Variants in MGST1 observed in about 807,000 individuals in gnomAD.
The protein encoded by MGST1 is microsomal glutathione S-transferase 1.
In MGST1, 5 loss-of-function variants were observed where a neutral mutation model predicts 8.9. The observed-to-expected ratio is 0.56, with a 90% CI of 0.29 to 1.19. The LOEUF (loss-of-function observed/expected upper bound fraction) is 1.19. MGST1 is among the 50% of genes most tolerant of loss of function. The probability of loss-of-function intolerance (pLI) is 0.08; values close to 1 mark genes in which losing one functional copy is unlikely to be tolerated. For synonymous variants in MGST1, 54 were observed against 67.8 expected (o/e 0.80, Z 1.00); for missense variants, 182 against 187.4 (o/e 0.97, Z 0.17).
chr12:16,403,337 T>A (rs1940675398), intron 1 of MGST1, among the ~76,000 whole-genome samples: 1 of 152,138 alleles, frequency 6.6e-6, no homozygotes, highest in Non-Finnish European at 1.5e-5. Flanking sequence ...AGTTTCTGGC[T>A]TAAGAGCACT....
chr12:16,535,298 CGA>C (rs1476350432), intron 4 of MGST1, among the ~76,000 whole-genome samples: 2 of 152,124 alleles, frequency 1.3e-5, no homozygotes, highest in African/African-American at 4.8e-5. Flanking sequence ...GTGGCCTCCG[CGA>C]GAGTTAGCTG....
intron 4 of MGST1, among the ~76,000 whole-genome samples, chr12:16,479,027 G>A (rs972599710): frequency 6.6e-6 from 1 of 151,974 alleles, no homozygotes; most frequent in African/African-American, 2.4e-5. Context: ...TACCCGTTCT[G>A]GGTATTTCAT....
chr12:16,504,150 C>G (rs985027865), intron 4 of MGST1, among the ~76,000 whole-genome samples: 1 of 150,120 alleles, frequency 6.7e-6, no homozygotes. Flanking sequence ...ATTGCTCTGA[C>G]CTGTAACTTT....
Position 16,546,798 on chromosome 12 carries a change from C to T in MGST1, n.483-42730C>T, listed in dbSNP as rs1941828928. On this transcript the variant is annotated intron_variant and non_coding_transcript_variant, in intron 4 of 4. Coordinates refer to the MGST1 transcript ENST00000538857. The surrounding 1 kb of genome is among the most constrained non-coding windows in gnomAD (Gnocchi z 4.7). ...TCAGGTTTGGTATTTTTTTAAATCC[C>T]TTCCCCTACTGCTGTCATTATCCAC... Among the ~76,000 whole-genome samples, 1 of 151,838 alleles carries T rather than the reference C, an allele frequency of 6.6e-6. No individual in the cohort carries two copies. Among genetic ancestry groups the T allele is most frequent in the Non-Finnish European group, 1.5e-5 (1 of 67,942 alleles).
At chr12:16,591,065 A>G (rs1177029779), downstream of MGST1, among the ~76,000 whole-genome samples, 1 of 152,066 alleles carries the variant, frequency 6.6e-6, no homozygotes, top group Non-Finnish European at 1.5e-5. The surrounding 1 kb of genome is among the most constrained non-coding windows in gnomAD (Gnocchi z 4.1). Flanking sequence ...ATGGTTTTCA[A>G]ATTGAAGTAT....
downstream of MGST1, among the ~76,000 whole-genome samples, chr12:16,439,389 G>T (rs1214697654): frequency 6.6e-6 from 1 of 151,844 alleles, no homozygotes; most frequent in Non-Finnish European, 1.5e-5. Context: ...TGTCTTCTAT[G>T]TTTGGAGTAG....
intron 1 of MGST1, among the ~76,000 whole-genome samples, chr12:16,414,657 C>A (rs2137077713): frequency 6.6e-6 from 1 of 152,102 alleles, no homozygotes; most frequent in Middle Eastern, 3.4e-3. Flanking sequence ...CCTCGTGATC[C>A]ACCCACCTTG....
At chr12:16,354,534 A>G in intron 2 of MGST1, 156 bp downstream of exon 2, 1 of 600,314 alleles carries the variant, frequency 1.7e-6, no homozygotes, top group Non-Finnish European at 2.7e-6. Flanking sequence ...GATGGATCTG[A>G]TGTATTTATG....
chr12:16,477,456 A>G (rs932052943), intron 4 of MGST1, among the ~76,000 whole-genome samples: 2 of 152,212 alleles, frequency 1.3e-5, no homozygotes, highest in Non-Finnish European at 2.9e-5. Context: ...ATGTAACACA[A>G]ATAGAATCCT....
At chr12:16,399,950 C>T (rs896200822) in intron 1 of MGST1, 2 of 1,327,712 alleles carry the variant, frequency 1.5e-6, no homozygotes, top group African/African-American at 2.9e-5. Flanking sequence ...CATTCCATAG[C>T]ATTTACCAGC....
downstream of MGST1, among the ~76,000 whole-genome samples, chr12:16,378,569 G>A (rs1415068036): frequency 1.3e-5 from 2 of 151,790 alleles, no homozygotes; most frequent in African/African-American, 4.8e-5. Context: ...ATAGTTTGAA[G>A]TCAGGTAGCA....
At chr12:16,578,862 C>A (rs78330746) in intron 4 of MGST1, among the ~76,000 whole-genome samples, 2 of 149,582 alleles carry the variant, frequency 1.3e-5, no homozygotes, top group African/African-American at 4.9e-5. Flanking sequence ...AACAACAAAA[C>A]ATTAATTCAC....
At position 16,389,879 on chromosome 12, in the gene MGST1, A is replaced by G. The variant is rs773118119; in HGVS notation, n.778+6275A>G. On this transcript the variant is annotated intron_variant and non_coding_transcript_variant, in intron 1 of 1. Coordinates refer to the MGST1 transcript ENST00000359720. This position sits in a 1 kb window ranked among gnomAD's most constrained non-coding sequence, Gnocchi z 4.6. ...TCAGGTGCTCCCAAGGGGAAGTTGT[A>G]ATGAAGAGTGAGGCAGGATTGCGTA... Among the ~76,000 whole-genome samples, 5 of 152,166 alleles carry G rather than the reference A, an allele frequency of 3.3e-5. No individual in the cohort carries two copies. Among genetic ancestry groups the G allele is most frequent in the Admixed American group, 2.0e-4 (3 of 15,278 alleles).
At chr12:16,490,540 G>A (rs1483827359) in intron 4 of MGST1, among the ~76,000 whole-genome samples, 3 of 152,044 alleles carry the variant, frequency 2.0e-5, no homozygotes, top group Non-Finnish European at 4.4e-5. Flanking sequence ...AACTAACTTA[G>A]CAATCACTAT....
intron 4 of MGST1, among the ~76,000 whole-genome samples, chr12:16,465,873 T>C (rs1178144235): frequency 2.0e-5 from 3 of 152,204 alleles, no homozygotes; most frequent in Non-Finnish European, 2.9e-5. Flanking sequence ...GAGATATTAG[T>C]GCATAAAGTA....
downstream of MGST1, among the ~76,000 whole-genome samples, chr12:16,441,257 C>T (rs951251248): frequency 6.6e-6 from 1 of 151,748 alleles, no homozygotes; most frequent in African/African-American, 2.4e-5. Flanking sequence ...CTACTCCCAC[C>T]CAGGCATAAC....
At chr12:16,490,673 G>T (rs540762390) in intron 4 of MGST1, among the ~76,000 whole-genome samples, 1 of 152,154 alleles carries the variant, frequency 6.6e-6, no homozygotes, top group Admixed American at 6.5e-5. Flanking sequence ...TATGAAGCTG[G>T]TATAACTATC....
At chr12:16,424,149 A>G (rs1940865249) in intron 1 of MGST1, among the ~76,000 whole-genome samples, 3 of 152,308 alleles carry the variant, frequency 2.0e-5, no homozygotes, top group South Asian at 2.1e-4. Flanking sequence ...ACAATTGTAG[A>G]TGTTAAATAA....
intron 1 of MGST1, among the ~76,000 whole-genome samples, chr12:16,405,910 C>T (rs752499933): frequency 6.6e-6 from 1 of 152,150 alleles, no homozygotes; most frequent in Non-Finnish European, 1.5e-5. Flanking sequence ...AAACATACTT[C>T]AAAATAATAA....
Sources: allele counts gnomAD v4.1 joint callset (sites outside exome capture counted in the v4.1 genomes callset), GRCh38; gene constraint gnomAD v4.1.1; non-coding constraint Gnocchi (gnomAD v3.1); transcripts MANE v1.5; gene names NCBI Gene and HGNC (gene_info 2026-07-23, HGNC 2026-07-21).